Variants in PAWR observed in about 807,000 individuals in gnomAD.
PAWR encodes pro-apoptotic WT1 regulator.
In PAWR, 23 loss-of-function variants were observed where a neutral mutation model predicts 32.0. The ratio of observed to expected loss-of-function variants is 0.72; its 90% CI spans 0.52 to 1.02. The LOEUF (loss-of-function observed/expected upper bound fraction) is 1.02, where lower values mean the gene tolerates loss of function less well. Among genes scored for constraint, PAWR ranks in the 50% least tolerant of loss-of-function variants. PAWR has a pLI of 0.00. For synonymous variants in PAWR, 226 were observed against 187.1 expected (o/e 1.21, Z -1.70); for missense variants, 457 against 437.7 (o/e 1.04, Z -0.39).
intron 2 of PAWR, among the ~76,000 whole-genome samples, chr12:79,633,514 GT>G (rs144016691): frequency 1.3e-5 from 2 of 151,894 alleles, no homozygotes; most frequent in African/African-American, 4.8e-5. Context: ...TCAGCTGTTT[GT>G]TTTTTTGTTG....
At chr12:79,620,309 A>C (rs1874942513) in intron 3 of PAWR, among the ~76,000 whole-genome samples, 1 of 152,230 alleles carries the variant, frequency 6.6e-6, no homozygotes, top group South Asian at 2.1e-4. Flanking sequence ...TGAATAATTA[A>C]GTCCTAAAGC....
At chr12:79,599,851 A>C (rs1168607715) in intron 4 of PAWR, among the ~76,000 whole-genome samples, 1 of 152,202 alleles carries the variant, frequency 6.6e-6, no homozygotes, top group African/African-American at 2.4e-5. Flanking sequence ...TTTTAATGTT[A>C]GCAACCTCAA....
chr12:79,690,117 C>A lies in PAWR; in HGVS notation c.128G>T (p.Gly43Val), dbSNP rs1032574225. 2.2e-5 allele frequency: 33 copies of A among 1,501,942 alleles called. No homozygotes were observed. The highest frequency in any genetic ancestry group is 4.4e-5 in the African/African-American group (3 of 68,828). 93.0% of individuals were successfully genotyped at this position (1,501,942 alleles called of 1,614,324 possible). Reference sequence around the variant, plus strand: ...CCCAGCGGCGTCGCTGCTGCCCCCTCCCGGGGGGGCCGGGCCCGGGGGGTT... The same window carrying A: ...CCCAGCGGCGTCGCTGCTGCCCCCTACCGGGGGGGCCGGGCCCGGGGGGTT... ...KQNPPGPAPP[G>V]GGSSDAAGKP... Residue 43 changes from glycine to valine, a missense_variant, in exon 2 of 7, where the codon GGA becomes GTA. Transcript: ENST00000328827.
At chr12:79,619,910 T>C (rs1874922161) in intron 3 of PAWR, among the ~76,000 whole-genome samples, 1 of 152,162 alleles carries the variant, frequency 6.6e-6, no homozygotes, top group African/African-American at 2.4e-5. Context: ...TAAAGATCAA[T>C]AAGGAAATCC....
At chr12:79,680,137 G>A (rs957269226) in intron 2 of PAWR, among the ~76,000 whole-genome samples, 1 of 152,208 alleles carries the variant, frequency 6.6e-6, no homozygotes, top group Non-Finnish European at 1.5e-5. Context: ...ATGAACACAT[G>A]TTAGGGAACA....
Position 79,639,834 on chromosome 12 carries a change from A to T in PAWR, c.517-18627T>A, listed in dbSNP as rs111894615. 9.9e-3 allele frequency among the ~76,000 whole-genome samples: 552 copies of T among 55,790 alleles called. 4 individuals are homozygous for T. The highest frequency in any genetic ancestry group is 0.038 in the African/African-American group (459 of 11,970). The allele number at this position is 55,790 out of a possible 152,430, so 36.6% of individuals were successfully genotyped here. A position where few individuals can be genotyped will look rare whatever the true frequency, so the allele number is the denominator to read the frequency against. ...CCATTCCTTTTCCTTTTCCTTTTCC[A>T]TTCCTATTCCTATTCCTATTCCTAT... On this transcript the variant is annotated intron_variant, in intron 2 of 6. Transcript: ENST00000328827.
intron 2 of PAWR, among the ~76,000 whole-genome samples, chr12:79,686,156 C>T (rs972025989): frequency 6.6e-5 from 10 of 152,088 alleles, no homozygotes; most frequent in African/African-American, 1.2e-4. Context: ...ACTTCAGTGC[C>T]ACCTCTACCT....
At chr12:79,661,655 A>G (rs1877357415) in intron 2 of PAWR, among the ~76,000 whole-genome samples, 1 of 152,182 alleles carries the variant, frequency 6.6e-6, no homozygotes, top group Non-Finnish European at 1.5e-5. Flanking sequence ...AAATCTTCAA[A>G]GTTTGATTCA....
chr12:79,633,548 C>T (rs1830270377), intron 2 of PAWR, among the ~76,000 whole-genome samples: 1 of 151,922 alleles, frequency 6.6e-6, no homozygotes. Context: ...TATAAACAGC[C>T]CTTTAAAACT....
intron 4 of PAWR, among the ~76,000 whole-genome samples, chr12:79,607,480 G>C (rs1455320200): frequency 6.6e-6 from 1 of 152,086 alleles, no homozygotes; most frequent in Non-Finnish European, 1.5e-5. Flanking sequence ...TGTAATTCCA[G>C]CACTTTGGGA....
At chr12:79,640,912 T>C (rs1219056346) in intron 2 of PAWR, among the ~76,000 whole-genome samples, 1 of 152,184 alleles carries the variant, frequency 6.6e-6, no homozygotes, top group Non-Finnish European at 1.5e-5. Context: ...GTGAGTTATG[T>C]GTCTGTGTAT....
At chr12:79,643,051 C>T (rs973832815) in intron 2 of PAWR, among the ~76,000 whole-genome samples, 2 of 152,140 alleles carry the variant, frequency 1.3e-5, no homozygotes, top group Non-Finnish European at 2.9e-5. Context: ...CCAATCAATT[C>T]ACATTTCGTA....
chr12:79,641,664 T>C (rs957733441), intron 2 of PAWR, among the ~76,000 whole-genome samples: 37 of 151,836 alleles, frequency 2.4e-4, no homozygotes, highest in African/African-American at 8.9e-4. Flanking sequence ...CTGGCCAACA[T>C]GGTGAAACCC....
At chr12:79,624,705 A>C (rs1164098282) in intron 2 of PAWR, among the ~76,000 whole-genome samples, 1 of 152,178 alleles carries the variant, frequency 6.6e-6, no homozygotes, top group East Asian at 1.9e-4. Flanking sequence ...AGTTGGCGGA[A>C]ATCATGAGAA....
intron 2 of PAWR, among the ~76,000 whole-genome samples, chr12:79,625,895 T>C (rs891349140): frequency 6.6e-6 from 1 of 150,880 alleles, no homozygotes; most frequent in African/African-American, 2.4e-5. Context: ...ATATAAAGTA[T>C]GGGCCGGGCA....
intron 4 of PAWR, chr12:79,604,235 A>G: frequency 1.0e-6 from 1 of 984,892 alleles, no homozygotes; most frequent in Non-Finnish European, 1.2e-6. Flanking sequence ...ACGATCCAAA[A>G]AGAATCCTCC....
In PAWR at chr12:79,613,618, T is replaced by C. The variant is rs1048566823; in HGVS notation, c.649-9A>G. On this transcript the variant is annotated splice_polypyrimidine_tract_variant and intron_variant, in intron 3 of 6. Coordinates refer to ENST00000328827, the MANE Select transcript of PAWR (RefSeq NM_002583.4). Reference sequence around the variant, plus strand: ...ACTGTTCTAGGTGGCTCCTGCAAAGTAAAAATAATTATGTATCAGTTTGAG... The same window carrying C: ...ACTGTTCTAGGTGGCTCCTGCAAAGCAAAAATAATTATGTATCAGTTTGAG... The C allele has an allele frequency of 8.7e-6, 13 of 1,499,398 alleles. No homozygotes were observed. The highest frequency in any genetic ancestry group is 1.4e-5 in the African/African-American group (1 of 72,714). 92.9% of individuals were successfully genotyped at this position (1,499,398 alleles called of 1,614,324 possible).
chr12:79,618,053 C>A (rs192674204), intron 3 of PAWR, among the ~76,000 whole-genome samples: 2 of 152,286 alleles, frequency 1.3e-5, no homozygotes, highest in African/African-American at 4.8e-5. Context: ...TATAAATTAT[C>A]CAATCTCAGG....
chr12:79,671,450 G>T (rs1369159507), intron 2 of PAWR, among the ~76,000 whole-genome samples: 1 of 152,094 alleles, frequency 6.6e-6, no homozygotes, highest in Non-Finnish European at 1.5e-5. Context: ...CAAATATATG[G>T]CTATAGGTTT....
Sources: gnomAD v4.1 joint callset for allele counts (sites outside exome capture counted in the v4.1 genomes callset) on GRCh38, gnomAD v4.1.1 for gene constraint, MANE v1.5 for transcripts, NCBI Gene and HGNC (gene_info 2026-07-23, HGNC 2026-07-21) for gene names.